CSTPP1: variants seen among roughly 807,000 people sequenced by gnomAD.
CSTPP1 encodes the protein UPF0705 protein C11orf49.
chr11:47,098,368 C>G, the CSTPP1 span, among the ~76,000 whole-genome samples: 2 of 151,710 alleles, frequency 1.3e-5, no homozygotes, highest in East Asian at 3.8e-4. Context: ...CAGGGAGCTC[C>G]TTCAGTGTCC....
the CSTPP1 span, among the ~76,000 whole-genome samples, chr11:47,082,244 T>C: frequency 2.0e-5 from 3 of 150,592 alleles, no homozygotes; most frequent in Non-Finnish European, 4.4e-5. Flanking sequence ...AAGATGTTTC[T>C]AAGAGAGCTG....
the CSTPP1 span, among the ~76,000 whole-genome samples, chr11:47,081,778 A>G: frequency 6.6e-6 from 1 of 152,166 alleles, no homozygotes; most frequent in Non-Finnish European, 1.5e-5. Flanking sequence ...ATATGCAAAC[A>G]AATTCTAGAT....
chr11:47,098,340 A>T, the CSTPP1 span, among the ~76,000 whole-genome samples: 55 of 149,722 alleles, frequency 3.7e-4, no homozygotes, highest in Non-Finnish European at 5.3e-4. Flanking sequence ...AATAAATAAA[A>T]AATAAAAAAA....
At chr11:47,007,032 G>A in the CSTPP1 span, among the ~76,000 whole-genome samples, 2 of 117,218 alleles carry the variant, frequency 1.7e-5, no homozygotes, top group Non-Finnish European at 1.7e-5. Context: ...TTGAGACAGA[G>A]TCTCACTCTG....
the CSTPP1 span, chr11:47,161,741 G>A: frequency 6.8e-7 from 1 of 1,466,116 alleles, no homozygotes; most frequent in East Asian, 2.4e-5. Context: ...GCTGCCCTCT[G>A]CTGCTGACAA....
the CSTPP1 span, among the ~76,000 whole-genome samples, chr11:47,017,667 CTTTTT>C: frequency 3.7e-5 from 5 of 133,448 alleles, no homozygotes; most frequent in Non-Finnish European, 4.9e-5. Context: ...AATATATAAA[CTTTTT>C]TTTTTTTTTT....
At chr11:46,974,892 A>G in the CSTPP1 span, among the ~76,000 whole-genome samples, 307 of 108,050 alleles carry the variant, frequency 2.8e-3, 2 homozygotes, top group African/African-American at 8.6e-3. Context: ...ACACACACAC[A>G]CACACACACA....
the CSTPP1 span, among the ~76,000 whole-genome samples, chr11:46,945,056 G>A: frequency 6.6e-6 from 1 of 152,286 alleles, no homozygotes; most frequent in African/African-American, 2.4e-5. Context: ...GCATATGATA[G>A]TTACTTGTCT....
At chr11:47,164,163 C>T in the CSTPP1 span, 1 of 1,613,996 alleles carries the variant, frequency 6.2e-7, no homozygotes, top group Non-Finnish European at 8.5e-7. Context: ...CTTTGGCTTT[C>T]AGAGAAGAGA....
the CSTPP1 span, among the ~76,000 whole-genome samples, chr11:47,129,517 C>G: frequency 3.3e-5 from 5 of 152,172 alleles, no homozygotes; most frequent in Non-Finnish European, 5.9e-5. Context: ...TGTTTCATAT[C>G]CTCACACTTT....
the CSTPP1 span, among the ~76,000 whole-genome samples, chr11:47,144,980 A>ATTTTTTT: frequency 8.6e-5 from 8 of 92,874 alleles, 1 homozygote; most frequent in Non-Finnish European, 1.5e-4. Flanking sequence ...ATTGCCTGCC[A>ATTTTTTT]TTTTTTTTTT....
the CSTPP1 span, among the ~76,000 whole-genome samples, chr11:47,028,358 C>G: frequency 2.6e-5 from 4 of 152,110 alleles, no homozygotes; most frequent in Admixed American, 2.6e-4. Context: ...TTAAATTTAT[C>G]CTTGGATTCA....
the CSTPP1 span, among the ~76,000 whole-genome samples, chr11:46,994,974 G>C: frequency 6.6e-6 from 1 of 152,284 alleles, no homozygotes; most frequent in African/African-American, 2.4e-5. Flanking sequence ...GGTCTACTCA[G>C]GGATTCAACT....
the CSTPP1 span, among the ~76,000 whole-genome samples, chr11:47,122,593 T>C: frequency 6.6e-6 from 1 of 152,182 alleles, no homozygotes; most frequent in African/African-American, 2.4e-5. Context: ...TTATTTTTTA[T>C]TTTTTTTGAG....
the CSTPP1 span, among the ~76,000 whole-genome samples, chr11:47,027,536 G>A: frequency 2.0e-5 from 3 of 152,166 alleles, no homozygotes; most frequent in Non-Finnish European, 4.4e-5. Context: ...ATGGATTTGG[G>A]TAACAGAAAA....
the CSTPP1 span, among the ~76,000 whole-genome samples, chr11:47,110,030 A>G: frequency 1.2e-4 from 19 of 152,184 alleles, no homozygotes; most frequent in African/African-American, 4.6e-4. Context: ...GTACGTTCTC[A>G]AAGATGAGCC....
At chr11:47,035,041 A>T in the CSTPP1 span, among the ~76,000 whole-genome samples, 1 of 152,222 alleles carries the variant, frequency 6.6e-6, no homozygotes, top group South Asian at 2.1e-4. Flanking sequence ...TTCTTATAGA[A>T]ATCCTGCACT....
chr11:46,968,265 A>G, the CSTPP1 span, among the ~76,000 whole-genome samples: 1 of 151,052 alleles, frequency 6.6e-6, no homozygotes, highest in East Asian at 1.9e-4. Context: ...TATAAATTTT[A>G]TTTAACACTA....
chr11:47,055,242 C>T, the CSTPP1 span, among the ~76,000 whole-genome samples: 1 of 151,998 alleles, frequency 6.6e-6, no homozygotes, highest in Non-Finnish European at 1.5e-5. Flanking sequence ...CTCCTACTTT[C>T]ATATTATGTG....
Sources: allele counts gnomAD v4.1 joint callset (sites outside exome capture counted in the v4.1 genomes callset), GRCh38; gene constraint gnomAD v4.1.1; transcripts MANE v1.5; gene names NCBI Gene and HGNC (gene_info 2026-07-23, HGNC 2026-07-21).